The following CEP95 variants were observed in gnomAD, a reference collection of about 807,000 sequenced individuals.
The protein encoded by CEP95 is centrosomal protein 95.
A neutral mutation model predicts 111.2 loss-of-function variants in CEP95; 98 were observed. The ratio of observed to expected loss-of-function variants is 0.88; its 90% CI spans 0.75 to 1.04. The LOEUF (loss-of-function observed/expected upper bound fraction) is 1.04. CEP95 is among the 50% of genes least tolerant of loss of function. The pLI, the probability that CEP95 is intolerant of heterozygous loss-of-function variation, is 0.00. For missense variants in CEP95, 1,027 were observed against 977.2 expected (o/e 1.05, Z -0.68); for synonymous variants, 323 against 327.1 (o/e 0.99, Z 0.14).
chr17:64,509,039 A>G (rs2038749542), intron 2 of CEP95, among the ~76,000 whole-genome samples: 1 of 152,144 alleles, frequency 6.6e-6, no homozygotes, highest in Admixed American at 6.5e-5. Context: ...AATCATGGCT[A>G]CTGCCTTGTG....
At chr17:64,524,979 AAAAC>A (rs782000780) in intron 8 of CEP95, among the ~76,000 whole-genome samples, 14 of 152,118 alleles carry the variant, frequency 9.2e-5, no homozygotes, top group South Asian at 2.1e-4. Flanking sequence ...AAAAAACAAA[AAAAC>A]AAACAAACAT....
At chr17:64,537,270 T>G in intron 19 of CEP95, 158 bp downstream of exon 19, 1 of 1,408,518 alleles carries the variant, frequency 7.1e-7, no homozygotes, top group Middle Eastern at 1.8e-4. Context: ...ACTGACATTT[T>G]GCACAACAAC....
chr17:64,516,697 G>A (rs781797598), intron 4 of CEP95, 26 bp from the exon 5 acceptor site: 15 of 1,419,976 alleles, frequency 1.1e-5, no homozygotes, highest in Non-Finnish European at 1.5e-5. Flanking sequence ...GGGTTTTTTG[G>A]TATTGTTTTT....
intron 11 of CEP95, 81 bp from the exon 12 acceptor site, chr17:64,529,206 AT>A (rs782375846): frequency 1.1e-4 from 145 of 1,314,342 alleles, no homozygotes; most frequent in Non-Finnish European, 1.5e-4. Context: ...GTCTCTTTGG[AT>A]TTAGTGAAAA....
intron 4 of CEP95, chr17:64,515,825 A>G (rs1346993505): frequency 6.6e-6 from 1 of 152,228 alleles, no homozygotes; most frequent in Non-Finnish European, 1.5e-5. Flanking sequence ...CACTAATCAT[A>G]TCAGCTGTGC....
rs186309183 is a variant in CEP95 at position 64,530,250 on chromosome 17, G to A, written c.1447-676G>A. On this transcript the variant is annotated intron_variant, in intron 12 of 19. Coordinates refer to ENST00000556440, the MANE Select transcript of CEP95 (RefSeq NM_138363.3). The stretch of plus-strand genomic sequence containing the variant: ...AAAATACAAAAATTAGCCAGGCATG[G>A]CAGTGCACACCTGTAGTCCCAGCTA... Among the ~76,000 whole-genome samples the A allele has an allele frequency of 5.6e-3, 848 of 152,204 alleles. 7 individuals carry two copies. The highest frequency in any genetic ancestry group is 0.019 in the African/African-American group (805 of 41,524).
At chr17:64,527,907 C>T (rs975087820) in intron 11 of CEP95, among the ~76,000 whole-genome samples, 5 of 149,600 alleles carry the variant, frequency 3.3e-5, no homozygotes, top group African/African-American at 4.9e-5. Context: ...CACACACACA[C>T]GCGTGTAGCA....
At chr17:64,513,035 C>T (rs1555675486) in intron 3 of CEP95, among the ~76,000 whole-genome samples, 1 of 152,140 alleles carries the variant, frequency 6.6e-6, no homozygotes, top group African/African-American at 2.4e-5. Flanking sequence ...GCTAGGTTGT[C>T]AGTATACTCC....
At chr17:64,535,105 G>A (rs1480359714) in intron 17 of CEP95, 2 of 243,950 alleles carry the variant, frequency 8.2e-6, no homozygotes, top group Non-Finnish European at 1.6e-5. Flanking sequence ...CAGCTGTGCT[G>A]TGAGGGGTTT....
chr17:64,526,240 G>A (rs782697169), intron 10 of CEP95, 40 bp downstream of exon 10: 2 of 1,555,096 alleles, frequency 1.3e-6, no homozygotes, highest in South Asian at 2.5e-5. Context: ...ATTCCCATGG[G>A]TTAAGTGAGC....
chr17:64,525,628 G>A (rs782117347), intron 8 of CEP95, 142 bp from the exon 9 acceptor site: 3 of 557,552 alleles, frequency 5.4e-6, no homozygotes, highest in Non-Finnish European at 9.4e-6. Flanking sequence ...GTGTCAATAG[G>A]GTCTTTTGAC....
intron 3 of CEP95, among the ~76,000 whole-genome samples, chr17:64,510,845 C>G (rs1210117490): frequency 6.6e-6 from 1 of 152,230 alleles, no homozygotes; most frequent in Admixed American, 6.5e-5. Flanking sequence ...ACCACTGTGC[C>G]TGGCCTTCGG....
At chr17:64,534,304 C>G (rs954574622) in intron 16 of CEP95, 1 of 327,422 alleles carries the variant, frequency 3.1e-6, no homozygotes, top group African/African-American at 2.1e-5. Flanking sequence ...TCTGGGCCAG[C>G]CTTGTTAGCA....
intron 5 of CEP95, among the ~76,000 whole-genome samples, chr17:64,518,788 C>A (rs1480878379): frequency 6.6e-6 from 1 of 152,088 alleles, no homozygotes; most frequent in East Asian, 1.9e-4. Context: ...TCAAGCAGTT[C>A]TCCCGCCTCA....
At chr17:64,532,422 A>T (rs1266677696) in intron 14 of CEP95, 17 of 985,440 alleles carry the variant, frequency 1.7e-5, no homozygotes, top group Non-Finnish European at 2.0e-5. Context: ...TGTTACAAGA[A>T]ACAAAGTCAT....
rs782552857 is a variant in CEP95 at position 64,536,724 on chromosome 17, C to T, written c.2193C>T (p.Ser731=). ...GACGCCACCAGGATGAACTGGACTC[C>T]ATGGAGAACTACTATAAGGACCAGG... The part of the protein sequence containing the change: ...QRRRHQDELD[S]MENYYKDQFS... Residue 731 remains serine (S), a synonymous_variant, in exon 18 of 20, where the codon TCC becomes TCT. Transcript: ENST00000556440. The T allele has an allele frequency of 4.3e-5, 69 of 1,609,894 alleles. No individual in the cohort carries two copies. The highest frequency in any genetic ancestry group is 5.9e-5 in the Non-Finnish European group (69 of 1,178,868).
chr17:64,526,189 G>C lies in CEP95; in HGVS notation c.1141G>C (p.Glu381Gln), dbSNP rs1555679081. The C allele has an allele frequency of 1.9e-6, 3 of 1,611,826 alleles. No homozygotes were observed. The highest frequency in any genetic ancestry group is 3.4e-5 in the Admixed American group (2 of 59,616). Residue 381 changes from glutamate (E) to glutamine (Q), a missense_variant, in exon 10 of 20, where the codon GAA (glutamate) becomes CAA (glutamine). Physicochemically the swap from Glu to Gln is conservative, Grantham distance 29. Transcript: ENST00000556440. ...VSEKLSQRLSELDWMLKSALG... is the reference protein window; with the variant it reads ...VSEKLSQRLSQLDWMLKSALG... ...AGAAAAACTCTCTCAGCGGCTTTCT[G>C]AACTAGATTGGGCAAGTCTTGTTTT...
intron 13 of CEP95, 73 bp downstream of exon 13, chr17:64,531,091 AAAG>A (rs1260252837): frequency 6.8e-6 from 6 of 881,722 alleles, no homozygotes; most frequent in East Asian, 2.9e-5. Context: ...GATCTTTTTA[AAAG>A]AAGAAGGGGC....
At chr17:64,534,082 C>T (rs1968475738) in intron 16 of CEP95, 1 of 158,052 alleles carries the variant, frequency 6.3e-6, no homozygotes, top group Non-Finnish European at 1.4e-5. Flanking sequence ...GAAGACATCT[C>T]AGGAACTGCA....
Sources: allele counts gnomAD v4.1 joint callset (sites outside exome capture counted in the v4.1 genomes callset), GRCh38; gene constraint gnomAD v4.1.1; transcripts MANE v1.5; gene names NCBI Gene and HGNC (gene_info 2026-07-23, HGNC 2026-07-21).